The following SUFU variants were observed in gnomAD, a reference collection of about 807,000 sequenced individuals.
SUFU encodes suppressor of fused homolog.
In SUFU, 7 loss-of-function variants were observed where a neutral mutation model predicts 58.9. The observed-to-expected ratio is 0.12, with a 90% CI of 0.07 to 0.22. The LOEUF (loss-of-function observed/expected upper bound fraction) is 0.22. Among genes scored for constraint, SUFU ranks in the 10% least tolerant of loss-of-function variants. The pLI is 1.00. For synonymous variants in SUFU, 232 were observed against 254.8 expected (o/e 0.91, Z 0.85); for missense variants, 451 against 641.3 (o/e 0.70, Z 3.20).
rs1276338276 is a variant in SUFU at position 102,504,477 on chromosome 10, G to A, written c.182+143G>A. On this transcript the variant is annotated intron_variant, in intron 1 of 11. Coordinates refer to ENST00000369902, the MANE Select transcript of SUFU (RefSeq NM_016169.4). ...AGGAGGGCTTCTTGCTGCGAGGGAA[G>A]GAGTTAAGGCTCAAGTTGGGAATGG... is the stretch of plus-strand genomic sequence containing the variant. 5 of 1,494,432 alleles carry A rather than the reference G, an allele frequency of 3.3e-6. No homozygotes were observed. In the Admixed American group the frequency reaches 1.1e-4, roughly 31 times the overall value. The allele number at this position is 1,494,432 out of a possible 1,614,324, so 92.6% of individuals were successfully genotyped here. A position where few individuals can be genotyped will look rare whatever the true frequency, so the allele number is the denominator to read the frequency against.
intron 2 of SUFU, among the ~76,000 whole-genome samples, chr10:102,539,628 A>G (rs1179190268): frequency 6.6e-6 from 1 of 152,210 alleles, no homozygotes; most frequent in Non-Finnish European, 1.5e-5. Context: ...ATAGTTGTCA[A>G]ATGGTGACTT....
At chr10:102,615,457 C>T (rs1285911618) in intron 9 of SUFU, 55 bp downstream of exon 9, 2 of 1,613,218 alleles carry the variant, frequency 1.2e-6, no homozygotes, top group Non-Finnish European at 1.7e-6. Context: ...GCTCAGCCTC[C>T]AGGGGGCACT....
In SUFU at chr10:102,630,760, T is replaced by C. The variant is rs1455376708; in HGVS notation, c.*605T>C. 8.0e-6 allele frequency: 2 copies of C among 249,922 alleles called. No individual in the cohort carries two copies. The highest frequency in any genetic ancestry group is 2.2e-5 in the African/African-American group (1 of 45,772). The allele number at this position is 249,922 out of a possible 1,614,324, so 15.5% of individuals were successfully genotyped here. ...CAGAACTTCATTCCCCGTTGAACTT[T>C]CGCATTCTCTGACAGAGGCCTAGGG... On this transcript the variant is annotated 3_prime_UTR_variant, in exon 12 of 12. Transcript: ENST00000369902.
intron 7 of SUFU, among the ~76,000 whole-genome samples, chr10:102,598,364 A>C (rs1379781062): frequency 6.6e-6 from 1 of 152,112 alleles, no homozygotes; most frequent in Non-Finnish European, 1.5e-5. Flanking sequence ...TGTGTTGCCC[A>C]CGCTGGTCTT....
intron 2 of SUFU, among the ~76,000 whole-genome samples, chr10:102,518,555 A>T (rs980780706): frequency 6.6e-6 from 1 of 151,798 alleles, no homozygotes; most frequent in Non-Finnish European, 1.5e-5. Flanking sequence ...CTATTTATTT[A>T]TTTATTTTTG....
chr10:102,520,890 T>C (rs2062543714), intron 2 of SUFU, among the ~76,000 whole-genome samples: 2 of 152,252 alleles, frequency 1.3e-5, no homozygotes, highest in South Asian at 4.1e-4. Context: ...TCTTGATTGC[T>C]TCCAGTATTT....
Position 102,560,050 on chromosome 10 carries a change from G to A in SUFU, c.454+9944G>A, listed in dbSNP as rs140142690. ...CAGAGCTCATGGCTGATCCAACCCTGTGGTACTGACAGACTCTAATGCTAA... is the reference window on the plus strand; with the variant it reads ...CAGAGCTCATGGCTGATCCAACCCTATGGTACTGACAGACTCTAATGCTAA... On this transcript the variant is annotated intron_variant, in intron 3 of 11. Coordinates refer to ENST00000369902, the MANE Select transcript of SUFU (RefSeq NM_016169.4). Among the ~76,000 whole-genome samples the A allele has an allele frequency of 5.3e-3, 810 of 152,246 alleles. 5 individuals are homozygous for A. The highest frequency in any genetic ancestry group is 0.019 in the African/African-American group (773 of 41,534).
At chr10:102,519,297 G>A (rs1360787000) in intron 2 of SUFU, among the ~76,000 whole-genome samples, 1 of 151,958 alleles carries the variant, frequency 6.6e-6, no homozygotes, top group Non-Finnish European at 1.5e-5. Flanking sequence ...GGCTGAGGCA[G>A]GTGGATCACC....
At chr10:102,572,755 G>C (rs1178648650) in intron 3 of SUFU, 2 of 748,734 alleles carry the variant, frequency 2.7e-6, no homozygotes, top group African/African-American at 1.7e-5. Flanking sequence ...GCTGGACTCA[G>C]TTTAAATGAT....
intron 5 of SUFU, 32 bp from the exon 6 acceptor site, chr10:102,593,961 G>C: frequency 6.2e-7 from 1 of 1,613,690 alleles, no homozygotes; most frequent in Non-Finnish European, 8.5e-7. Context: ...CAGACCCTCA[G>C]TTACCATTGT....
At chr10:102,543,354 C>T (rs549036061) in intron 2 of SUFU, among the ~76,000 whole-genome samples, 1 of 151,896 alleles carries the variant, frequency 6.6e-6, no homozygotes, top group South Asian at 2.1e-4. Context: ...CTGTATATCT[C>T]GTTTGTGAAT....
intron 2 of SUFU, among the ~76,000 whole-genome samples, chr10:102,546,073 G>C (rs1201035210): frequency 1.3e-5 from 2 of 152,226 alleles, no homozygotes; most frequent in Non-Finnish European, 2.9e-5. Flanking sequence ...GAGGTACTCT[G>C]GGGGAGACCT....
chr10:102,612,203 G>C (rs2063633519), intron 8 of SUFU, among the ~76,000 whole-genome samples: 1 of 117,280 alleles, frequency 8.5e-6, no homozygotes, highest in South Asian at 2.9e-4. Flanking sequence ...GTGTGTGTGT[G>C]TGTGTGCACG....
At chr10:102,606,658 G>C (rs1044770639) in intron 8 of SUFU, among the ~76,000 whole-genome samples, 1 of 152,194 alleles carries the variant, frequency 6.6e-6, no homozygotes. Context: ...TGGAAACAGG[G>C]TCTTTGATGC....
chr10:102,617,976 C>T lies in SUFU; in HGVS notation c.1296+548C>T, dbSNP rs768324535. On this transcript the variant is annotated intron_variant, in intron 10 of 11. Coordinates refer to ENST00000369902, the MANE Select transcript of SUFU (RefSeq NM_016169.4). This position sits in a 1 kb window ranked among gnomAD's most constrained non-coding sequence, Gnocchi z 4.4. Reference sequence around the variant, plus strand: ...GTGACCAGAGACCTGCTGGCTTATCCGGAGCACTTTGTCCTTCCTTTGCTC... The same window carrying T: ...GTGACCAGAGACCTGCTGGCTTATCTGGAGCACTTTGTCCTTCCTTTGCTC... The T allele has an allele frequency of 1.2e-4, 21 of 176,002 alleles. No individual in the cohort carries two copies. Among genetic ancestry groups the T allele is most frequent in the Admixed American group, 2.8e-4 (5 of 17,720 alleles). 10.9% of individuals were successfully genotyped at this position (176,002 alleles called of 1,614,324 possible).
At chr10:102,575,865 G>A (rs892224563) in intron 3 of SUFU, among the ~76,000 whole-genome samples, 5 of 151,806 alleles carry the variant, frequency 3.3e-5, no homozygotes, top group Non-Finnish European at 7.4e-5. Flanking sequence ...TTTTGGAAAC[G>A]GGGTCTCTGT....
intron 10 of SUFU, among the ~76,000 whole-genome samples, 170 bp from the exon 11 acceptor site, chr10:102,627,005 G>A (rs912657951): frequency 6.6e-6 from 1 of 152,064 alleles, no homozygotes; most frequent in East Asian, 1.9e-4. Flanking sequence ...TGAGGGTGTG[G>A]GGGGAATGAC....
intron 2 of SUFU, among the ~76,000 whole-genome samples, chr10:102,536,890 A>C (rs911575478): frequency 3.3e-5 from 5 of 151,970 alleles, no homozygotes; most frequent in South Asian, 4.1e-4. Flanking sequence ...AGCTCACGGC[A>C]ACTTCTGCCT....
rs559484099 is a variant in SUFU, at chr10:102,590,739, T to C, written c.455-1843T>C. The C allele has an allele frequency of 5.3e-5, 8 of 152,314 alleles. No individual in the cohort carries two copies. In the East Asian group the frequency reaches 1.5e-3, roughly 29 times the overall value. 9.4% of individuals were successfully genotyped at this position (152,314 alleles called of 1,614,324 possible). Reference sequence around the variant, plus strand: ...ATCTGGTGGACCTGGACTGTTTGTATTGTGTATGTTGTTGGTGGGGGTTAA... The same window carrying C: ...ATCTGGTGGACCTGGACTGTTTGTACTGTGTATGTTGTTGGTGGGGGTTAA... On this transcript the variant is annotated intron_variant, in intron 3 of 11. Coordinates refer to ENST00000369902, the MANE Select transcript of SUFU (RefSeq NM_016169.4).
Sources: allele counts gnomAD v4.1 joint callset (sites outside exome capture counted in the v4.1 genomes callset), GRCh38; gene constraint gnomAD v4.1.1; non-coding constraint Gnocchi (gnomAD v3.1); transcripts MANE v1.5; gene names NCBI Gene and HGNC (gene_info 2026-07-23, HGNC 2026-07-21).